Variants in MEGF11 observed in about 807,000 individuals in gnomAD.
MEGF11 encodes multiple epidermal growth factor-like domains protein 11.
MEGF11 carries 126 observed loss-of-function variants against 146.6 expected under a neutral mutation model. That is an observed-to-expected ratio of 0.86 (90% confidence interval 0.74 to 1.00). The LOEUF is 1.00. Among genes scored for constraint, MEGF11 ranks in the 50% least tolerant of loss-of-function variants. The probability of loss-of-function intolerance (pLI) is 0.00; values close to 1 mark genes in which losing one functional copy is unlikely to be tolerated. For missense variants in MEGF11, 1,509 were observed against 1,521.2 expected, an observed-to-expected ratio of 0.99 and a Z score of 0.13; for synonymous variants, 532 against 583.4, an observed-to-expected ratio of 0.91 and a Z score of 1.27.
intron 1 of MEGF11, among the ~76,000 whole-genome samples, chr15:66,157,129 G>A (rs374456134): frequency 3.3e-5 from 5 of 152,156 alleles, no homozygotes; most frequent in Admixed American, 1.3e-4. Context: ...GACCAGAGAC[G>A]TGCCAGCAGC....
intron 1 of MEGF11, among the ~76,000 whole-genome samples, chr15:66,153,587 AAAAG>A (rs1311432091): frequency 6.6e-6 from 1 of 151,318 alleles, no homozygotes; most frequent in Non-Finnish European, 1.5e-5. Flanking sequence ...AAGAAAAAGA[AAAAG>A]AAAGAAAAGA....
At chr15:65,930,277 C>A (rs1211892623) in intron 11 of MEGF11, among the ~76,000 whole-genome samples, 1 of 152,208 alleles carries the variant, frequency 6.6e-6, no homozygotes, top group Admixed American at 6.5e-5. Flanking sequence ...TTCTCCCCTT[C>A]CCTGTTCATG....
intron 4 of MEGF11, among the ~76,000 whole-genome samples, chr15:66,096,539 G>A (rs1252951570): frequency 1.0e-4 from 1 of 10,004 alleles, no homozygotes. Context: ...TGCCCAGGCT[G>A]TATCCAGCCT....
intron 1 of MEGF11, among the ~76,000 whole-genome samples, chr15:66,244,535 T>C (rs987626743): frequency 6.6e-6 from 1 of 151,928 alleles, no homozygotes; most frequent in African/African-American, 2.4e-5. Flanking sequence ...ATAGAAAACA[T>C]AGAGGAAAGA....
intron 11 of MEGF11, among the ~76,000 whole-genome samples, chr15:65,930,449 A>G (rs964775941): frequency 5.9e-5 from 9 of 152,152 alleles, no homozygotes; most frequent in Middle Eastern, 3.4e-3. Context: ...GTGGTGGCGC[A>G]GCCCCTCTCT....
chr15:65,923,041 G>C, intron 13 of MEGF11, 72 bp from the exon 14 acceptor site: 1 of 1,524,100 alleles, frequency 6.6e-7, no homozygotes, highest in Non-Finnish European at 8.9e-7. Flanking sequence ...AGGGAAGGGG[G>C]ACAGTGCAGT....
chr15:66,193,611 G>A (rs1012975032), intron 1 of MEGF11, among the ~76,000 whole-genome samples: 2 of 152,102 alleles, frequency 1.3e-5, no homozygotes, highest in African/African-American at 4.8e-5. Context: ...TTTGTGGTAT[G>A]TGAAACCAAG....
intron 5 of MEGF11, among the ~76,000 whole-genome samples, chr15:66,002,187 G>T (rs773524108): frequency 1.3e-5 from 2 of 152,154 alleles, no homozygotes; most frequent in Admixed American, 1.3e-4. Context: ...AGCTCATGGC[G>T]CAAGCTGTCT....
chr15:66,086,513 C>T (rs1382709362), intron 5 of MEGF11, among the ~76,000 whole-genome samples: 5 of 152,162 alleles, frequency 3.3e-5, no homozygotes, highest in African/African-American at 1.2e-4. Flanking sequence ...TCTTCAGCCT[C>T]CTCAGACAAA....
At chr15:65,934,659 C>T (rs2079701175) in intron 10 of MEGF11, among the ~76,000 whole-genome samples, 2 of 152,154 alleles carry the variant, frequency 1.3e-5, no homozygotes, top group South Asian at 4.1e-4. Flanking sequence ...CAGCCCCACC[C>T]GCTGAAGGGG....
At chr15:65,993,097 C>T (rs189737986) in intron 5 of MEGF11, among the ~76,000 whole-genome samples, 21 of 152,344 alleles carry the variant, frequency 1.4e-4, no homozygotes, top group Non-Finnish European at 2.6e-4. Flanking sequence ...CACCTACCTG[C>T]GCTCCCGGCA....
At chr15:66,058,486 A>G (rs183547307) in intron 5 of MEGF11, among the ~76,000 whole-genome samples, 1 of 152,314 alleles carries the variant, frequency 6.6e-6, no homozygotes, top group African/African-American at 2.4e-5. Context: ...ACATCTCTCC[A>G]AGGGGTTGAG....
chr15:65,988,440 A>G (rs2081937334), intron 5 of MEGF11, among the ~76,000 whole-genome samples: 1 of 152,228 alleles, frequency 6.6e-6, no homozygotes, highest in South Asian at 2.1e-4. Context: ...AGCCTGTATC[A>G]GGACTTCATT....
chr15:66,208,132 G>A (rs1258966251), intron 1 of MEGF11, among the ~76,000 whole-genome samples: 1 of 151,650 alleles, frequency 6.6e-6, no homozygotes, highest in African/African-American at 2.4e-5. Flanking sequence ...AACTATATAG[G>A]AACAAAGTTT....
At chr15:65,969,219 G>A (rs1477372532) in intron 8 of MEGF11, among the ~76,000 whole-genome samples, 1 of 152,204 alleles carries the variant, frequency 6.6e-6, no homozygotes, top group Non-Finnish European at 1.5e-5. Context: ...GCCGGCTAGA[G>A]CCCTGGGCCT....
chr15:66,151,913 G>T (rs949304796), intron 1 of MEGF11, among the ~76,000 whole-genome samples: 15 of 152,254 alleles, frequency 9.9e-5, no homozygotes, highest in African/African-American at 3.6e-4. Context: ...CTGGCTCCCA[G>T]CCTGAAAGCA....
intron 5 of MEGF11, among the ~76,000 whole-genome samples, chr15:66,080,864 C>A (rs890706445): frequency 2.6e-5 from 4 of 152,218 alleles, no homozygotes; most frequent in African/African-American, 9.6e-5. Flanking sequence ...CACCAGATGC[C>A]GGCAGAAGGC....
At chr15:66,041,844 A>G (rs2083992361) in intron 5 of MEGF11, among the ~76,000 whole-genome samples, 1 of 152,180 alleles carries the variant, frequency 6.6e-6, no homozygotes, top group Admixed American at 6.5e-5. Flanking sequence ...GATGAGACAC[A>G]GAGTAGCTAA....
intron 4 of MEGF11, among the ~76,000 whole-genome samples, chr15:66,097,613 G>A (rs538668329): frequency 6.6e-6 from 1 of 152,170 alleles, no homozygotes; most frequent in African/African-American, 2.4e-5. Flanking sequence ...AGCACCAGCC[G>A]TGTGATGGGG....
Sources: allele counts gnomAD v4.1 joint callset (sites outside exome capture counted in the v4.1 genomes callset), GRCh38; gene constraint gnomAD v4.1.1; transcripts MANE v1.5; gene names NCBI Gene and HGNC (gene_info 2026-07-23, HGNC 2026-07-21).